Variants in SLCO1B1 observed in about 807,000 individuals in gnomAD.
SLCO1B1 encodes the protein OATP-2.
A neutral mutation model predicts 70.1 loss-of-function variants in SLCO1B1; 81 were observed. The ratio of observed to expected loss-of-function variants is 1.16; its 90% CI spans 0.97 to 1.39. The LOEUF (loss-of-function observed/expected upper bound fraction) is 1.39. SLCO1B1 is among the 40% of genes most tolerant of loss of function. The probability of loss-of-function intolerance (pLI) is 0.00; values close to 1 mark genes in which losing one functional copy is unlikely to be tolerated. For missense variants in SLCO1B1, 895 were observed against 799.6 expected (o/e 1.12, Z -1.44); for synonymous variants, 283 against 271.5 (o/e 1.04, Z -0.42).
chr12:21,221,289 A>G (rs1360783573), intron 12 of SLCO1B1, among the ~76,000 whole-genome samples: 1 of 152,164 alleles, frequency 6.6e-6, no homozygotes, highest in African/African-American at 2.4e-5. Flanking sequence ...CTTACTGCAC[A>G]TAGTATGGGA....
chr12:21,203,012 A>G (rs551644942), intron 10 of SLCO1B1, among the ~76,000 whole-genome samples: 99 of 152,208 alleles, frequency 6.5e-4, no homozygotes, highest in African/African-American at 2.2e-3. Flanking sequence ...AGCTAGCATT[A>G]TTAAGATTCT....
At chr12:21,162,617 A>AG (rs1033985581) in intron 2 of SLCO1B1, among the ~76,000 whole-genome samples, 10 of 152,202 alleles carry the variant, frequency 6.6e-5, no homozygotes, top group African/African-American at 1.9e-4. Flanking sequence ...AGACGTAATA[A>AG]GGGTTTGGCT....
chr12:21,146,879 G>T (rs1940392549), intron 2 of SLCO1B1, among the ~76,000 whole-genome samples: 1 of 152,094 alleles, frequency 6.6e-6, no homozygotes, highest in African/African-American at 2.4e-5. Flanking sequence ...GTAAGCTTAA[G>T]AAGAATGTGT....
Position 21,141,968 on chromosome 12 carries a change from C to G in SLCO1B1, c.84+310C>G, listed in dbSNP as rs144500481. Reference sequence around the variant, plus strand: ...AGGAATGTGATTAAAATAAAAAATGCATAATGAATAATATTTTAAAATTCT... The same window carrying G: ...AGGAATGTGATTAAAATAAAAAATGGATAATGAATAATATTTTAAAATTCT... On this transcript the variant is annotated intron_variant, in intron 2 of 14. Coordinates refer to ENST00000256958, the MANE Select transcript of SLCO1B1 (RefSeq NM_006446.5). 3.3e-5 allele frequency among the ~76,000 whole-genome samples: 5 copies of G among 150,682 alleles called. No homozygotes were observed. The East Asian group carries it at 5.8e-4, about 18-fold the overall frequency.
intron 2 of SLCO1B1, among the ~76,000 whole-genome samples, chr12:21,162,588 A>G (rs976754): frequency 0.091 from 13,873 of 152,198 alleles, 972 homozygotes; most frequent in East Asian, 0.38. Flanking sequence ...GCAGCAGTGT[A>G]CCACAGATAA....
chr12:21,172,666 T>C lies in SLCO1B1; in HGVS notation c.101T>C (p.Leu34Pro), dbSNP rs929681002. The change falls in exon 3 of 15, where the codon CTG (leucine) becomes CCG (proline). Residue 34 changes from leucine to proline, a missense_variant. By Grantham distance (98) the Leu-to-Pro change is moderately conservative. Transcript: ENST00000256958. ...TTTTCTTAGATGTTCTTGGCAGCTC[T>C]GTCACTCAGCTTTATTGCTAAGACA... ...CNGLKMFLAA[L>P]SLSFIAKTLG... The C allele has an allele frequency of 2.5e-6, 4 of 1,613,790 alleles. No homozygotes were observed. In the African/African-American group the frequency reaches 5.3e-5, roughly 22 times the overall value.
chr12:21,178,479 A>C, intron 5 of SLCO1B1, 97 bp from the exon 6 acceptor site: 1 of 900,658 alleles, frequency 1.1e-6, no homozygotes, highest in Non-Finnish European at 1.7e-6. Flanking sequence ...AAATTAAAAA[A>C]AAATAAGTAG....
At chr12:21,232,803 C>A (rs954126848) in intron 14 of SLCO1B1, among the ~76,000 whole-genome samples, 2 of 152,040 alleles carry the variant, frequency 1.3e-5, no homozygotes, top group African/African-American at 4.8e-5. Flanking sequence ...ATTCTTACCC[C>A]TTTTGCCAGC....
intron 1 of SLCO1B1, among the ~76,000 whole-genome samples, chr12:21,133,154 A>G (rs1382773746): frequency 6.6e-6 from 1 of 152,030 alleles, no homozygotes; most frequent in East Asian, 1.9e-4. Context: ...GATATGCGGC[A>G]CTATTTCTGA....
chr12:21,234,564 C>T (rs963341921), intron 14 of SLCO1B1, among the ~76,000 whole-genome samples: 3 of 152,064 alleles, frequency 2.0e-5, no homozygotes, highest in Non-Finnish European at 4.4e-5. Context: ...GTTCGGCTTA[C>T]ACCCAGAAAT....
chr12:21,192,688 G>A (rs1015213756), intron 7 of SLCO1B1, among the ~76,000 whole-genome samples: 1 of 151,610 alleles, frequency 6.6e-6, no homozygotes, highest in Non-Finnish European at 1.5e-5. Context: ...GTTAGTTTAA[G>A]ATAATTCTTT....
At position 21,196,482 on chromosome 12, in the gene SLCO1B1, CT is replaced by C. The variant is rs536372432; in HGVS notation, c.728-462del. The stretch of plus-strand genomic sequence containing the variant: ...TGTGCTGTCAGGAGAGTTGGAAATG[CT>C]TATTTCAGGCATGGTGGGAAGCCCC... On this transcript the variant is annotated intron_variant, in intron 7 of 14. Transcript: ENST00000256958. Among the ~76,000 whole-genome samples the C allele has an allele frequency of 3.7e-3, 569 of 152,202 alleles. 1 individual carries two copies. Among genetic ancestry groups the C allele is most frequent in the African/African-American group, 0.013 (547 of 41,538 alleles).
At chr12:21,204,339 A>G (rs1159296731) in intron 10 of SLCO1B1, among the ~76,000 whole-genome samples, 1 of 151,928 alleles carries the variant, frequency 6.6e-6, no homozygotes, top group African/African-American at 2.4e-5. Flanking sequence ...TTATTAATTC[A>G]TTAATCTGAC....
At chr12:21,156,865 C>T (rs1940550922) in intron 2 of SLCO1B1, among the ~76,000 whole-genome samples, 1 of 152,082 alleles carries the variant, frequency 6.6e-6, no homozygotes, top group African/African-American at 2.4e-5. Flanking sequence ...CTGCTCTTCG[C>T]CTAGTGCTAA....
chr12:21,190,067 G>A (rs11045837), intron 7 of SLCO1B1, among the ~76,000 whole-genome samples: 319 of 152,268 alleles, frequency 2.1e-3, no homozygotes, highest in African/African-American at 7.4e-3. Context: ...CCTTTAGAAA[G>A]GTCAGAAGGC....
chr12:21,206,782 T>G (rs1470880745), intron 11 of SLCO1B1, among the ~76,000 whole-genome samples: 2 of 151,940 alleles, frequency 1.3e-5, no homozygotes, highest in Non-Finnish European at 2.9e-5. Context: ...ACTCAACATC[T>G]CACAAAGTTG....
chr12:21,214,367 G>A (rs958616688), intron 11 of SLCO1B1, among the ~76,000 whole-genome samples: 1 of 150,374 alleles, frequency 6.7e-6, no homozygotes, highest in Non-Finnish European at 1.5e-5. Flanking sequence ...TCCCAGTTAG[G>A]CTGCTCAGGG....
chr12:21,139,187 A>G (rs990347384), intron 1 of SLCO1B1, among the ~76,000 whole-genome samples: 16 of 151,898 alleles, frequency 1.1e-4, no homozygotes, highest in Non-Finnish European at 1.8e-4. Context: ...CTATTATATA[A>G]TTTTTTTAAA....
chr12:21,179,985 A>G (rs1940874103), intron 7 of SLCO1B1, among the ~76,000 whole-genome samples: 1 of 152,094 alleles, frequency 6.6e-6, no homozygotes, highest in East Asian at 1.9e-4. Context: ...TTCTAAATCC[A>G]GTATAATCTG....
Sources: gnomAD v4.1 joint callset for allele counts (sites outside exome capture counted in the v4.1 genomes callset) on GRCh38, gnomAD v4.1.1 for gene constraint, MANE v1.5 for transcripts, NCBI Gene and HGNC (gene_info 2026-07-23, HGNC 2026-07-21) for gene names.